The following TMEM170B variants were observed in gnomAD, a reference collection of about 807,000 sequenced individuals.
TMEM170B encodes the protein transmembrane protein 170B.
TMEM170B carries 6 observed loss-of-function variants against 13.0 expected under a neutral mutation model. That is an observed-to-expected ratio of 0.46 (90% CI 0.25 to 0.91). The LOEUF is 0.91. Ranked by LOEUF, TMEM170B falls within the 40% of genes least tolerant of loss-of-function variation. The probability of loss-of-function intolerance (pLI) is 0.17; values close to 1 mark genes in which losing one functional copy is unlikely to be tolerated. For missense variants in TMEM170B, 138 were observed against 165.2 expected, an observed-to-expected ratio of 0.84 and a Z score of 0.90; for synonymous variants, 61 against 64.9, an observed-to-expected ratio of 0.94 and a Z score of 0.29.
intron 2 of TMEM170B, among the ~76,000 whole-genome samples, chr6:11,574,726 A>G (rs1296456248): frequency 6.6e-6 from 1 of 152,170 alleles, no homozygotes; most frequent in East Asian, 1.9e-4. Context: ...GAATCAGATG[A>G]GCACTGAGGT....
Position 11,577,606 on chromosome 6 carries a change from G to A in TMEM170B, c.*2045G>A, listed in dbSNP as rs1759896768. On this transcript the variant is annotated 3_prime_UTR_variant, in exon 3 of 3. Transcript: ENST00000379426. The stretch of plus-strand genomic sequence containing the variant: ...TATTTTATGATTTAAGAAAGTTATG[G>A]TAAAGTAATATGGAGCATGATTCAT... The A allele has an allele frequency of 6.6e-6, 1 of 152,030 alleles. No homozygotes were observed. Among genetic ancestry groups the A allele is most frequent in the Non-Finnish European group, 1.5e-5 (1 of 67,938 alleles). The allele number at this position is 152,030 out of a possible 1,614,324, so 9.4% of individuals were successfully genotyped here. A position where few individuals can be genotyped will look rare whatever the true frequency, so the allele number is the denominator to read the frequency against.
At chr6:11,539,785 G>C (rs1759335779) in intron 1 of TMEM170B, among the ~76,000 whole-genome samples, 1 of 152,174 alleles carries the variant, frequency 6.6e-6, no homozygotes, top group African/African-American at 2.4e-5. Context: ...TTTATCCACT[G>C]TTTGGTATTT....
intron 1 of TMEM170B, among the ~76,000 whole-genome samples, chr6:11,565,041 T>A (rs1185994168): frequency 6.6e-6 from 1 of 152,162 alleles, no homozygotes; most frequent in Non-Finnish European, 1.5e-5. Context: ...CCACTGTCTC[T>A]TAAGCTGAGA....
At chr6:11,572,997 T>C (rs1759825264) in intron 2 of TMEM170B, among the ~76,000 whole-genome samples, 1 of 152,122 alleles carries the variant, frequency 6.6e-6, no homozygotes, top group Non-Finnish European at 1.5e-5. Context: ...TGGTGGACAT[T>C]TGTTTTGTTT....
intron 1 of TMEM170B, among the ~76,000 whole-genome samples, chr6:11,542,119 G>A (rs1759370773): frequency 6.6e-6 from 1 of 152,150 alleles, no homozygotes; most frequent in African/African-American, 2.4e-5. Context: ...AGACTTGCTT[G>A]ACACAGAGTT....
intron 2 of TMEM170B, among the ~76,000 whole-genome samples, chr6:11,574,399 ATTAATC>A (rs1268435910): frequency 6.6e-6 from 1 of 152,124 alleles, no homozygotes; most frequent in Non-Finnish European, 1.5e-5. Context: ...AGTACAAATA[ATTAATC>A]TTTAGCTAAT....
rs962847923 is a variant in TMEM170B at position 11,578,780 on chromosome 6, A to G, written c.*3219A>G. 2.6e-5 allele frequency: 4 copies of G among 152,196 alleles called. No homozygotes were observed. The South Asian group carries it at 8.3e-4, about 31-fold the overall frequency. The allele number at this position is 152,196 out of a possible 1,614,324, so 9.4% of individuals were successfully genotyped here. A position where few individuals can be genotyped will look rare whatever the true frequency, so the allele number is the denominator to read the frequency against. On this transcript the variant is annotated 3_prime_UTR_variant, in exon 3 of 3. Coordinates refer to ENST00000379426, the MANE Select transcript of TMEM170B (RefSeq NM_001100829.3). ...TTTTGTTTGTACTTTAAATGAGAGA[A>G]ATAAAGAAATGAGTTGGCCTGTATA...
intron 1 of TMEM170B, among the ~76,000 whole-genome samples, chr6:11,553,021 C>T (rs906645458): frequency 6.6e-6 from 1 of 152,118 alleles, no homozygotes; most frequent in East Asian, 1.9e-4. Context: ...GCCCTGAACC[C>T]TTGACCTGTA....
intron 1 of TMEM170B, among the ~76,000 whole-genome samples, chr6:11,546,319 A>G (rs916720617): frequency 1.1e-4 from 17 of 152,284 alleles, no homozygotes; most frequent in African/African-American, 4.1e-4. Context: ...CAGCTGTACA[A>G]TGTATTTGTG....
rs953693209 is a variant in TMEM170B at position 11,544,026 on chromosome 6, G to A, written c.97+5652G>A. On this transcript the variant is annotated intron_variant, in intron 1 of 2. Coordinates refer to ENST00000379426, the MANE Select transcript of TMEM170B (RefSeq NM_001100829.3). The stretch of plus-strand genomic sequence containing the variant: ...AGAACGACTTAATTTTAGAAATATT[G>A]AAATATCACTCCATCAGTGAAGTGA... Among the ~76,000 whole-genome samples the A allele has an allele frequency of 5.9e-5, 9 of 152,196 alleles. No homozygotes were observed. The East Asian group carries it at 1.4e-3, about 23-fold the overall frequency.
At position 11,575,322 on chromosome 6, in the gene TMEM170B, AATG is replaced by A; in HGVS notation, c.269-104_269-102del. On this transcript the variant is annotated intron_variant, in intron 2 of 2. Coordinates refer to ENST00000379426, the MANE Select transcript of TMEM170B (RefSeq NM_001100829.3). The surrounding 1 kb of genome is among the most constrained non-coding windows in gnomAD (Gnocchi z 4.1). Reference sequence around the variant, plus strand: ...TAGAAAGTGGATAAAATGAGAAAAAAATGATGACTTATGTTTTGATGAAATGAA... The same window carrying A: ...TAGAAAGTGGATAAAATGAGAAAAAAATGACTTATGTTTTGATGAAATGAA... 1 of 1,416,090 alleles carries A rather than the reference AATG, an allele frequency of 7.1e-7. No homozygotes were observed. Among genetic ancestry groups the A allele is most frequent in the Non-Finnish European group, 9.6e-7 (1 of 1,043,918 alleles). The allele number at this position is 1,416,090 out of a possible 1,614,324, so 87.7% of individuals were successfully genotyped here.
chr6:11,565,958 TAAC>T (rs2113778160), intron 2 of TMEM170B, 122 bp downstream of exon 2: 6 of 850,336 alleles, frequency 7.1e-6, no homozygotes, highest in Non-Finnish European at 3.8e-6. Context: ...TTTCAACACT[TAAC>T]ACACTCCATC....
Position 11,549,662 on chromosome 6 carries a change from CAAAAAAA to C in TMEM170B, c.97+11295_97+11301del, listed in dbSNP as rs111556696. On this transcript the variant is annotated intron_variant, in intron 1 of 2. Transcript: ENST00000379426. ...TGGGCGACAGAGCGAGACTCCGTCTCAAAAAAAAAAAAAGAAAAAAGAGGCCTCATTA... is the reference window on the plus strand; with the variant it reads ...TGGGCGACAGAGCGAGACTCCGTCTCAAAAAAGAAAAAAGAGGCCTCATTA... Among the ~76,000 whole-genome samples the C allele has an allele frequency of 2.3e-4, 25 of 109,288 alleles. No homozygotes were observed. The East Asian group carries it at 4.4e-3, about 19-fold the overall frequency. 71.7% of individuals were successfully genotyped at this position (109,288 alleles called of 152,430 possible). A position where few individuals can be genotyped will look rare whatever the true frequency, so the allele number is the denominator to read the frequency against.
chr6:11,539,354 A>T (rs1759329138), intron 1 of TMEM170B, among the ~76,000 whole-genome samples: 1 of 152,260 alleles, frequency 6.6e-6, no homozygotes, highest in African/African-American at 2.4e-5. Flanking sequence ...AAGGCAGTTA[A>T]TTTCAGTAGA....
chr6:11,569,822 A>G (rs957763748), intron 2 of TMEM170B, among the ~76,000 whole-genome samples: 8 of 152,070 alleles, frequency 5.3e-5, no homozygotes, highest in African/African-American at 1.4e-4. Flanking sequence ...TGTATATTAC[A>G]TTCTCAAAGT....
rs1431549646 is a variant in TMEM170B at position 11,580,955 on chromosome 6, G to T, written c.*5394G>T. The T allele has an allele frequency of 6.6e-6, 1 of 152,164 alleles. No individual in the cohort carries two copies. Among genetic ancestry groups the T allele is most frequent in the Admixed American group, 6.5e-5 (1 of 15,276 alleles). 9.4% of individuals were successfully genotyped at this position (152,164 alleles called of 1,614,324 possible). A position where few individuals can be genotyped will look rare whatever the true frequency, so the allele number is the denominator to read the frequency against. ...GACAGGTTTGCTCTTCTCACTTAAG[G>T]AGCTCTGGTCTGTGTAGGCAGTACA... On this transcript the variant is annotated 3_prime_UTR_variant, in exon 3 of 3. Transcript: ENST00000379426.
In TMEM170B at chr6:11,581,996, C is replaced by G. The variant is rs1388555970; in HGVS notation, c.*6435C>G. 1.3e-5 allele frequency: 2 copies of G among 152,232 alleles called. No individual in the cohort carries two copies. Among genetic ancestry groups the G allele is most frequent in the Non-Finnish European group, 1.5e-5 (1 of 67,986 alleles). 9.4% of individuals were successfully genotyped at this position (152,232 alleles called of 1,614,324 possible). On this transcript the variant is annotated 3_prime_UTR_variant, in exon 3 of 3. Transcript: ENST00000379426. ...ATTTTTTTGAAAGATTTGGCCCTCT[C>G]ACCAATACACACATTCAGACTTGAG...
chr6:11,563,315 G>A (rs201659052), intron 1 of TMEM170B, among the ~76,000 whole-genome samples: 1 of 152,018 alleles, frequency 6.6e-6, no homozygotes, highest in Admixed American at 6.6e-5. Context: ...CCCCCTCCCC[G>A]CCAAGAAAAG....
chr6:11,569,731 G>A (rs1321072341), intron 2 of TMEM170B, among the ~76,000 whole-genome samples: 1 of 152,016 alleles, frequency 6.6e-6, no homozygotes, highest in Non-Finnish European at 1.5e-5. Flanking sequence ...TTCCCCCACT[G>A]CCATATAGTA....
Sources: allele counts gnomAD v4.1 joint callset (sites outside exome capture counted in the v4.1 genomes callset), GRCh38; gene constraint gnomAD v4.1.1; non-coding constraint Gnocchi (gnomAD v3.1); transcripts MANE v1.5; gene names NCBI Gene and HGNC (gene_info 2026-07-23, HGNC 2026-07-21).